CLCN4: variants seen among roughly 807,000 people sequenced by gnomAD.
CLCN4 encodes the protein Cl-/H+ antiporter 4, also known as H(+)/Cl(-) exchange transporter 4.
In CLCN4, 1 loss-of-function variant was observed where a neutral mutation model predicts 41.7. The observed-to-expected ratio is 0.02, with a 90% CI of 0.01 to 0.11. The LOEUF (loss-of-function observed/expected upper bound fraction) is 0.11. Ranked by LOEUF, CLCN4 falls within the 10% of genes least tolerant of loss-of-function variation. CLCN4 has a pLI of 1.00. For missense variants in CLCN4, 287 were observed against 661.0 expected (o/e 0.43, Z 6.20); for synonymous variants, 277 against 285.8 (o/e 0.97, Z 0.31).
intron 2 of CLCN4, among the ~76,000 whole-genome samples, chrX:10,178,143 A>C (rs1270259488): frequency 9.5e-6 from 1 of 105,448 alleles, no homozygotes; most frequent in Non-Finnish European, 1.9e-5. Flanking sequence ...GGCTGGGAGA[A>C]GGAAGTGATT....
chrX:10,175,253 C>T (rs902309060), intron 2 of CLCN4, among the ~76,000 whole-genome samples: 1 of 111,339 alleles, frequency 9.0e-6, no homozygotes, highest in South Asian at 3.8e-4. Context: ...GCAGGTGAGG[C>T]GTGGTAGGTT....
rs1425070897 is a variant in CLCN4, at chrX:10,208,581, T to C, written c.1380T>C (p.Phe460=). Residue 460 remains phenylalanine, a synonymous_variant, in exon 9 of 13, where the codon TTT becomes TTC. Coordinates refer to ENST00000380833, the MANE Select transcript of CLCN4 (RefSeq NM_001830.4). The part of the protein sequence containing the change: ...IFKIVVTIFT[F]GMKIPSGLFI... ...AAATCGTCGTTACCATATTTACCTT[T>C]GGCATGAAGGTAAGTGAAAGGGAAG... 8.3e-7 allele frequency: 1 copy of C among 1,202,159 alleles called. No homozygotes were observed. The highest frequency in any genetic ancestry group is 1.1e-6 in the Non-Finnish European group (1 of 890,824).
intron 9 of CLCN4, among the ~76,000 whole-genome samples, chrX:10,210,650 CTTT>C (rs34763016): frequency 1.3e-5 from 1 of 75,046 alleles, no homozygotes. Context: ...CCTGAATTGT[CTTT>C]TTTTTTTTTT....
At chrX:10,197,789 C>T (rs760463949) in intron 5 of CLCN4, 150 bp from the exon 6 acceptor site, 13 of 581,800 alleles carry the variant, frequency 2.2e-5, no homozygotes, top group African/African-American at 1.4e-4. Flanking sequence ...GATAAACCTA[C>T]GCTGGCCTTT....
In CLCN4 at chrX:10,194,894, C is replaced by G. The variant is rs763871197; in HGVS notation, c.245-17C>G. 3.3e-6 allele frequency: 4 copies of G among 1,207,023 alleles called. No homozygotes were observed. Among genetic ancestry groups the G allele is most frequent in the Non-Finnish European group, 4.5e-6 (4 of 892,137 alleles). Reference sequence around the variant, plus strand: ...CATGGGGCGATTCCTCTTAGTGGCTCGTGTTACTTCTTCCAGGCACCTTGG... The same window carrying G: ...CATGGGGCGATTCCTCTTAGTGGCTGGTGTTACTTCTTCCAGGCACCTTGG... On this transcript the variant is annotated splice_polypyrimidine_tract_variant and intron_variant, in intron 4 of 12. Coordinates refer to ENST00000380833, the MANE Select transcript of CLCN4 (RefSeq NM_001830.4).
chrX:10,227,035 G>T (rs5979282), intron 12 of CLCN4, among the ~76,000 whole-genome samples: 43,880 of 109,508 alleles, frequency 0.4, 6,735 homozygotes, highest in East Asian at 0.88. Context: ...GACTCCTCCC[G>T]AACTCATTTT....
chrX:10,204,611 G>GTTTTTTTTTT (rs1307394281), intron 6 of CLCN4, among the ~76,000 whole-genome samples: 1 of 19,682 alleles, frequency 5.1e-5, no homozygotes, highest in Admixed American at 9.2e-4. Context: ...AAAGCTAGTA[G>GTTTTTTTTTT]TCTTTTTTTT....
At chrX:10,169,106 T>C (rs1189303419) in intron 2 of CLCN4, among the ~76,000 whole-genome samples, 4 of 111,709 alleles carry the variant, frequency 3.6e-5, no homozygotes. Flanking sequence ...TTGGGGTTTG[T>C]TGAGCTTCTT....
intron 5 of CLCN4, among the ~76,000 whole-genome samples, chrX:10,197,291 C>T (rs916982606): frequency 8.9e-6 from 1 of 112,168 alleles, no homozygotes; most frequent in Non-Finnish European, 1.9e-5. Flanking sequence ...GATAGTGCCT[C>T]TCAAATGTTA....
chrX:10,199,706 A>G (rs1924187632), intron 6 of CLCN4, among the ~76,000 whole-genome samples: 1 of 112,334 alleles, frequency 8.9e-6, no homozygotes, highest in Non-Finnish European at 1.9e-5. Context: ...CATGAGTGGC[A>G]TTGGAACAAA....
chrX:10,176,547 G>A (rs1478964189), intron 2 of CLCN4, among the ~76,000 whole-genome samples: 1 of 112,213 alleles, frequency 8.9e-6, no homozygotes, highest in Non-Finnish European at 1.9e-5. Context: ...GGAGCAAGGG[G>A]CAGGAACAGC....
chrX:10,201,253 A>G (rs1924231980), intron 6 of CLCN4, among the ~76,000 whole-genome samples: 1 of 112,048 alleles, frequency 8.9e-6, no homozygotes, highest in African/African-American at 3.2e-5. Flanking sequence ...TAAACTTGGT[A>G]GTGGGCACAT....
chrX:10,225,162 C>T (rs748755096), intron 12 of CLCN4, among the ~76,000 whole-genome samples: 2 of 111,839 alleles, frequency 1.8e-5, no homozygotes, highest in Non-Finnish European at 3.8e-5. Flanking sequence ...TTTGGGGAAT[C>T]GCCACACTGT....
chrX:10,175,455 C>T (rs1168568106), intron 2 of CLCN4, among the ~76,000 whole-genome samples: 1 of 111,859 alleles, frequency 8.9e-6, no homozygotes, highest in Non-Finnish European at 1.9e-5. Context: ...CAGCCAGCAG[C>T]CAGCAGCCAC....
intron 2 of CLCN4, among the ~76,000 whole-genome samples, chrX:10,182,976 C>G (rs1923721851): frequency 8.9e-6 from 1 of 112,345 alleles, no homozygotes; most frequent in African/African-American, 3.2e-5. Flanking sequence ...TTTGAATAGA[C>G]TGTCCAAGTC....
At chrX:10,202,613 T>C (rs1251005247) in intron 6 of CLCN4, among the ~76,000 whole-genome samples, 2 of 80,386 alleles carry the variant, frequency 2.5e-5, no homozygotes, top group African/African-American at 1.0e-4. Context: ...TACTCCAGCC[T>C]GGGTGACAGA....
At chrX:10,220,639 G>C in intron 11 of CLCN4, 22 bp from the exon 12 acceptor site, 4 of 1,177,252 alleles carry the variant, frequency 3.4e-6, no homozygotes, top group Non-Finnish European at 4.6e-6. Flanking sequence ...GTGGCTCATT[G>C]TTCCTGCTCA....
rs1050059345 is a variant in CLCN4 at position 10,237,435 on chromosome X, C to T, written c.*3851C>T. 1 of 111,444 alleles carries T rather than the reference C, an allele frequency of 9.0e-6. No individual in the cohort carries two copies. The highest frequency in any genetic ancestry group is 3.3e-5 in the African/African-American group (1 of 30,602). 9.2% of individuals were successfully genotyped at this position (111,444 alleles called of 1,213,427 possible). A position where few individuals can be genotyped will look rare whatever the true frequency, so the allele number is the denominator to read the frequency against. Reference sequence around the variant, plus strand: ...ATTAAGCAGACCCTATTTTCACTGGCGCGGTAATAACTATTTATTTGCTAT... The same window carrying T: ...ATTAAGCAGACCCTATTTTCACTGGTGCGGTAATAACTATTTATTTGCTAT... On this transcript the variant is annotated 3_prime_UTR_variant, in exon 13 of 13. Coordinates refer to ENST00000380833, the MANE Select transcript of CLCN4 (RefSeq NM_001830.4).
chrX:10,181,732 G>A (rs1371473076), intron 2 of CLCN4, among the ~76,000 whole-genome samples: 2 of 111,819 alleles, frequency 1.8e-5, no homozygotes, highest in African/African-American at 3.3e-5. Context: ...TTATGTTATT[G>A]CTAATACCCA....
Sources: allele counts gnomAD v4.1 joint callset (sites outside exome capture counted in the v4.1 genomes callset), GRCh38; gene constraint gnomAD v4.1.1; transcripts MANE v1.5; gene names NCBI Gene and HGNC (gene_info 2026-07-23, HGNC 2026-07-21).